Variants in PALLD observed in about 807,000 individuals in gnomAD.
PALLD encodes the protein palladin.
A neutral mutation model predicts 123.5 loss-of-function variants in PALLD; 61 were observed. That is an observed-to-expected ratio of 0.49 (90% CI 0.40 to 0.61). The LOEUF is 0.61. PALLD is among the 20% of genes least tolerant of loss of function. PALLD has a pLI of 0.00. For missense variants in PALLD, 1,273 were observed against 1,377.0 expected (o/e 0.92, Z 1.20); for synonymous variants, 465 against 496.4 (o/e 0.94, Z 0.84).
At chr4:168,681,540 ATTTTTTTTT>A (rs34328020) in intron 4 of PALLD, 142 bp downstream of exon 4, 13 of 340,356 alleles carry the variant, frequency 3.8e-5, no homozygotes, top group Admixed American at 3.0e-4. Flanking sequence ...TTGGAACACA[ATTTTTTTTT>A]TTTTTTTTTT....
At chr4:168,794,812 A>C (rs1251257324) in intron 10 of PALLD, among the ~76,000 whole-genome samples, 1 of 152,160 alleles carries the variant, frequency 6.6e-6, no homozygotes, top group East Asian at 1.9e-4. Flanking sequence ...CTCAATGAAT[A>C]TTAGCGATCA....
chr4:168,661,034 A>G (rs1779085728), intron 2 of PALLD, among the ~76,000 whole-genome samples: 1 of 151,820 alleles, frequency 6.6e-6, no homozygotes, highest in African/African-American at 2.4e-5. Flanking sequence ...CCTCCTGAGT[A>G]GCTGGGACTA....
chr4:168,694,838 G>C (rs1373244451), intron 8 of PALLD, among the ~76,000 whole-genome samples: 1 of 152,158 alleles, frequency 6.6e-6, no homozygotes, highest in Non-Finnish European at 1.5e-5. Context: ...TAGCTAGTCA[G>C]CTTACTTAAG....
intron 2 of PALLD, among the ~76,000 whole-genome samples, chr4:168,667,814 T>C (rs1378468052): frequency 6.6e-6 from 1 of 152,246 alleles, no homozygotes; most frequent in Non-Finnish European, 1.5e-5. Context: ...ATAATGTTTA[T>C]ATTTTCTATT....
intron 2 of PALLD, among the ~76,000 whole-genome samples, chr4:168,641,759 A>T: frequency 6.6e-6 from 1 of 152,140 alleles, no homozygotes; most frequent in Non-Finnish European, 1.5e-5. Flanking sequence ...TGAAGACTTT[A>T]TCTGGGGAAC....
At chr4:168,737,838 C>T (rs1001350757) in intron 10 of PALLD, among the ~76,000 whole-genome samples, 3 of 152,216 alleles carry the variant, frequency 2.0e-5, no homozygotes, top group African/African-American at 4.8e-5. Flanking sequence ...TTAGTAGTTT[C>T]GCTTCAAACA....
At chr4:168,639,779 C>G (rs959867670) in intron 2 of PALLD, among the ~76,000 whole-genome samples, 1 of 152,060 alleles carries the variant, frequency 6.6e-6, no homozygotes, top group Non-Finnish European at 1.5e-5. Context: ...CTTCTGACCT[C>G]GTGATCCGCC....
intron 2 of PALLD, among the ~76,000 whole-genome samples, chr4:168,568,619 T>C (rs1478687516): frequency 6.6e-6 from 1 of 152,130 alleles, no homozygotes; most frequent in African/African-American, 2.4e-5. Context: ...GCATTATGTA[T>C]GCTCACACAC....
intron 10 of PALLD, among the ~76,000 whole-genome samples, chr4:168,853,269 G>A (rs575639305): frequency 6.6e-6 from 1 of 152,232 alleles, no homozygotes; most frequent in South Asian, 2.1e-4. Flanking sequence ...TCAAATACAG[G>A]TTGTTTTACA....
chr4:168,761,645 G>GTTTTTTTGTTTTTTTTTTT (rs1732873381), intron 10 of PALLD, among the ~76,000 whole-genome samples: 1 of 88,024 alleles, frequency 1.1e-5, no homozygotes, highest in African/African-American at 4.1e-5. Context: ...GTTGTTGTTT[G>GTTTTTTTGTTTTTTTTTTT]TTTTTTTTTT....
At chr4:168,903,692 TC>T in intron 14 of PALLD, 64 bp from the exon 15 acceptor site, 1 of 1,332,980 alleles carries the variant, frequency 7.5e-7, no homozygotes, top group Non-Finnish European at 1.1e-6. Context: ...GTTACTATTT[TC>T]AGTTCTCCAA....
In PALLD at chr4:168,763,560, C is replaced by T. The variant is rs565831584; in HGVS notation, c.1964+51637C>T. 5.9e-5 allele frequency among the ~76,000 whole-genome samples: 9 copies of T among 152,206 alleles called. 1 individual carries two copies. The South Asian group carries it at 1.9e-3, about 32-fold the overall frequency. ...GTAGATGACTGAGTGTTTTTTAAGC[C>T]ACACACTTACAGAAAAGACACTAGG... On this transcript the variant is annotated intron_variant, in intron 10 of 21. Transcript: ENST00000505667.
chr4:168,928,329 A>T lies in PALLD; in HGVS notation c.*2149A>T, dbSNP rs973916442. On this transcript the variant is annotated 3_prime_UTR_variant, in exon 22 of 22. Transcript: ENST00000505667. ...TGCCACCTTTATATTGTATTTATAA[A>T]AAAAAAAGTACTATCAATCAATCAT... The T allele has an allele frequency of 7.9e-5, 14 of 177,208 alleles. No homozygotes were observed. The highest frequency in any genetic ancestry group is 7.0e-4 in the Admixed American group (11 of 15,678). The allele number at this position is 177,208 out of a possible 1,614,324, so 11.0% of individuals were successfully genotyped here.
intron 3 of PALLD, among the ~76,000 whole-genome samples, chr4:168,670,806 C>G (rs1780186935): frequency 6.9e-6 from 1 of 144,124 alleles, no homozygotes; most frequent in Non-Finnish European, 1.5e-5. Context: ...AACAAAAAAG[C>G]TGGGTGCAAT....
chr4:168,681,461 A>G, intron 4 of PALLD, 63 bp downstream of exon 4: 1 of 1,040,508 alleles, frequency 9.6e-7, no homozygotes, highest in East Asian at 2.4e-5. Context: ...TGGTTGGGGT[A>G]TGAAACCATG....
At chr4:168,835,543 T>G (rs2150887239) in intron 10 of PALLD, among the ~76,000 whole-genome samples, 1 of 152,296 alleles carries the variant, frequency 6.6e-6, no homozygotes, top group East Asian at 1.9e-4. Context: ...TCTTCTTAGT[T>G]CAGTCTCCCA....
chr4:168,687,913 G>A (rs1782238680), intron 6 of PALLD, among the ~76,000 whole-genome samples: 1 of 152,124 alleles, frequency 6.6e-6, no homozygotes, highest in Non-Finnish European at 1.5e-5. Context: ...TGGAAGCTCA[G>A]AGCCACTGAA....
At chr4:168,807,402 T>C (rs1051395450) in intron 10 of PALLD, among the ~76,000 whole-genome samples, 2 of 152,118 alleles carry the variant, frequency 1.3e-5, no homozygotes, top group African/African-American at 2.4e-5. Context: ...AGAGATGTTT[T>C]TCTTTCTTTC....
intron 2 of PALLD, among the ~76,000 whole-genome samples, chr4:168,587,823 G>T (rs561724047): frequency 2.2e-4 from 33 of 152,214 alleles, no homozygotes; most frequent in African/African-American, 6.7e-4. Flanking sequence ...TCACCACTTG[G>T]CCTAACAGCA....
Sources: allele counts gnomAD v4.1 joint callset (sites outside exome capture counted in the v4.1 genomes callset), GRCh38; gene constraint gnomAD v4.1.1; transcripts MANE v1.5; gene names NCBI Gene and HGNC (gene_info 2026-07-23, HGNC 2026-07-21).